MACROD2: variants seen among roughly 807,000 people sequenced by gnomAD.
MACROD2 encodes ADP-ribose glycohydrolase MACROD2.
In MACROD2, 36 loss-of-function variants were observed where a neutral mutation model predicts 70.4. That is an observed-to-expected ratio of 0.51 (90% CI 0.39 to 0.68). The LOEUF (loss-of-function observed/expected upper bound fraction) is 0.68, where lower values mean the gene tolerates loss of function less well. MACROD2 is among the 30% of genes least tolerant of loss of function. MACROD2 has a pLI of 0.00. For missense variants in MACROD2, 496 were observed against 538.4 expected (o/e 0.92, Z 0.78); for synonymous variants, 172 against 178.8 (o/e 0.96, Z 0.30).
At position 15,454,829 on chromosome 20, in the gene MACROD2, C is replaced by T. The variant is rs1304840070; in HGVS notation, c.571+23394C>T. On this transcript the variant is annotated intron_variant, in intron 7 of 17. Transcript: ENST00000684519. ...TGCGAAAGTGGGCTTTTAACCATTT[C>T]GCATACTTTGAACTGTGGAGCTGAC... 2.0e-4 allele frequency among the ~76,000 whole-genome samples: 12 copies of T among 58,558 alleles called. 4 individuals carry two copies. Among genetic ancestry groups the T allele is most frequent in the African/African-American group, 3.5e-4 (6 of 16,928 alleles). The allele number at this position is 58,558 out of a possible 152,430, so 38.4% of individuals were successfully genotyped here.
chr20:15,001,829 A>G (rs896298043), intron 5 of MACROD2, among the ~76,000 whole-genome samples: 4 of 151,920 alleles, frequency 2.6e-5, no homozygotes, highest in Non-Finnish European at 4.4e-5. Context: ...GTATACACTC[A>G]ACACAATTTG....
chr20:15,860,704 A>G (rs2064413584), intron 8 of MACROD2, among the ~76,000 whole-genome samples: 1 of 152,140 alleles, frequency 6.6e-6, no homozygotes, highest in Non-Finnish European at 1.5e-5. Flanking sequence ...CTTTCTTTCT[A>G]AAGGAATAAA....
chr20:14,631,132 C>T (rs1422958382), intron 4 of MACROD2, among the ~76,000 whole-genome samples: 2 of 152,100 alleles, frequency 1.3e-5, no homozygotes, highest in Admixed American at 6.5e-5. Flanking sequence ...CAGCACTAGG[C>T]CCAACAGACC....
At chr20:14,182,081 T>G (rs2081309675) in intron 3 of MACROD2, among the ~76,000 whole-genome samples, 2 of 152,226 alleles carry the variant, frequency 1.3e-5, no homozygotes, top group African/African-American at 4.8e-5. Context: ...CCACAGAGGC[T>G]ACACCATTTT....
At chr20:14,801,913 A>G (rs537062246) in intron 5 of MACROD2, among the ~76,000 whole-genome samples, 3 of 152,232 alleles carry the variant, frequency 2.0e-5, no homozygotes, top group South Asian at 2.1e-4. Flanking sequence ...TTTCCAAAAG[A>G]TGAAATTGTA....
intron 3 of MACROD2, among the ~76,000 whole-genome samples, chr20:14,191,184 T>C (rs1233332165): frequency 6.6e-6 from 1 of 152,180 alleles, no homozygotes; most frequent in Non-Finnish European, 1.5e-5. Flanking sequence ...ACTTGTGTTC[T>C]TCCTGCCATA....
intron 3 of MACROD2, among the ~76,000 whole-genome samples, chr20:14,160,728 T>G: frequency 6.6e-6 from 1 of 152,104 alleles, no homozygotes; most frequent in East Asian, 1.9e-4. Flanking sequence ...AGTTCTGCTC[T>G]GATTTTTATT....
rs190398191 is a variant in MACROD2, at chr20:15,863,851, G to T, written c.727+1025G>T. On this transcript the variant is annotated intron_variant, in intron 9 of 17. Transcript: ENST00000684519. ...AGAAAACCAAAAAACCAATGGAGAT[G>T]GTCAGCTCTCTGCTAATGCCCTAAA... 1.8e-4 allele frequency among the ~76,000 whole-genome samples: 28 copies of T among 152,210 alleles called. No homozygotes were observed. The East Asian group carries it at 3.9e-3, about 21-fold the overall frequency.
rs74179770 is a variant in MACROD2, at chr20:15,273,313, A to G, written c.540+43252A>G. Among the ~76,000 whole-genome samples, 454 of 151,878 alleles carry G rather than the reference A, an allele frequency of 3.0e-3. 1 individual carries two copies. Among genetic ancestry groups the G allele is most frequent in the Admixed American group, 4.6e-3 (70 of 15,242 alleles). On this transcript the variant is annotated intron_variant, in intron 6 of 17. Transcript: ENST00000684519. ...TCCTGCCCTCAAACATTGGACTCCA[A>G]TTTTTCAGTTTGGTGACTCGGACTG...
chr20:16,009,196 G>A (rs2066829121), intron 15 of MACROD2, among the ~76,000 whole-genome samples: 1 of 152,190 alleles, frequency 6.6e-6, no homozygotes, highest in Non-Finnish European at 1.5e-5. Context: ...GAGGTGGATC[G>A]ATGTGCACCC....
chr20:14,865,014 G>A (rs1433366413), intron 5 of MACROD2, among the ~76,000 whole-genome samples: 1 of 152,066 alleles, frequency 6.6e-6, no homozygotes, highest in Non-Finnish European at 1.5e-5. Context: ...GGCAGAAGTG[G>A]CTGATCACTA....
At chr20:15,987,457 G>A (rs1171961075) in intron 15 of MACROD2, among the ~76,000 whole-genome samples, 3 of 152,076 alleles carry the variant, frequency 2.0e-5, no homozygotes, top group African/African-American at 7.2e-5. Context: ...TCAAAACTAT[G>A]GACTAGAGGG....
intron 3 of MACROD2, among the ~76,000 whole-genome samples, chr20:14,330,384 G>A (rs1306948956): frequency 1.3e-5 from 2 of 151,988 alleles, no homozygotes; most frequent in East Asian, 1.9e-4. Context: ...CTGGAAATAT[G>A]TGACCCTCAA....
chr20:14,857,241 T>C (rs2122339115), intron 5 of MACROD2, among the ~76,000 whole-genome samples: 1 of 152,288 alleles, frequency 6.6e-6, no homozygotes, highest in East Asian at 1.9e-4. Context: ...GCACATGCAG[T>C]TGCCTGACCA....
chr20:14,211,073 T>C (rs1288638669), intron 3 of MACROD2, among the ~76,000 whole-genome samples: 1 of 152,180 alleles, frequency 6.6e-6, no homozygotes, highest in Non-Finnish European at 1.5e-5. Context: ...TCATACCAGA[T>C]TGCATGGTTT....
At chr20:14,506,015 T>C (rs950617292) in intron 4 of MACROD2, among the ~76,000 whole-genome samples, 6 of 152,090 alleles carry the variant, frequency 3.9e-5, no homozygotes, top group Admixed American at 3.9e-4. Flanking sequence ...CTCCATTTGG[T>C]TGTGTGGAAA....
chr20:15,287,629 G>A (rs912052337), intron 6 of MACROD2, among the ~76,000 whole-genome samples: 2 of 152,188 alleles, frequency 1.3e-5, no homozygotes, highest in African/African-American at 4.8e-5. Flanking sequence ...GTCTGCAGTG[G>A]AAGCAGAAAG....
chr20:15,255,578 G>A (rs1048756049), intron 6 of MACROD2, among the ~76,000 whole-genome samples: 2 of 152,134 alleles, frequency 1.3e-5, no homozygotes, highest in Non-Finnish European at 2.9e-5. Context: ...GGATTGGGTA[G>A]AGTTGATAAC....
intron 3 of MACROD2, among the ~76,000 whole-genome samples, chr20:14,470,035 T>A (rs1020820799): frequency 2.0e-5 from 3 of 152,116 alleles, no homozygotes; most frequent in Non-Finnish European, 1.5e-5. Flanking sequence ...TTTCAGCCTT[T>A]TTGAGCTGTT....
Sources: gnomAD v4.1 joint callset for allele counts (sites outside exome capture counted in the v4.1 genomes callset) on GRCh38, gnomAD v4.1.1 for gene constraint, MANE v1.5 for transcripts, NCBI Gene and HGNC (gene_info 2026-07-23, HGNC 2026-07-21) for gene names.